MED13: variants seen among roughly 807,000 people sequenced by gnomAD.
MED13 encodes mediator of RNA polymerase II transcription subunit 13.
In MED13, 23 loss-of-function variants were observed where a neutral mutation model predicts 225.2. That is an observed-to-expected ratio of 0.10 (90% confidence interval 0.07 to 0.14). The LOEUF is 0.14. Ranked by LOEUF, MED13 falls within the 10% of genes least tolerant of loss-of-function variation. The pLI is 1.00. For synonymous variants in MED13, 942 were observed against 889.2 expected (o/e 1.06, Z -1.06); for missense variants, 2,197 against 2,594.5 (o/e 0.85, Z 3.33).
At chr17:62,010,260 A>G (rs1396141673) in intron 9 of MED13, among the ~76,000 whole-genome samples, 1 of 151,974 alleles carries the variant, frequency 6.6e-6, no homozygotes, top group African/African-American at 2.4e-5. Context: ...TGGAAGGAAG[A>G]CTGGAAGAAG....
At position 61,965,417 on chromosome 17, in the gene MED13, T is replaced by C. The variant is rs2080048497; in HGVS notation, c.4433A>G (p.Asn1478Ser). Residue 1478 changes from asparagine (N) to serine (S), a missense_variant, in exon 20 of 30, where the codon AAT (asparagine) becomes AGT (serine). Transcript: ENST00000397786. ...PLDSSLLSQP[N>S]LVAPTSQSLI... is the part of the protein sequence containing the mutation. ...AGACTGACTTGTAGGGGCAACTAAA[T>C]TTGGCTGGGAAAGTAGAGAGCTGTC... The C allele has an allele frequency of 6.2e-7, 1 of 1,613,986 alleles. No individual in the cohort carries two copies. Among genetic ancestry groups the C allele is most frequent in the African/African-American group, 1.3e-5 (1 of 74,922 alleles).
intron 28 of MED13, 134 bp from the exon 29 acceptor site, chr17:61,947,151 T>C: frequency 3.7e-6 from 2 of 534,328 alleles, no homozygotes; most frequent in Non-Finnish European, 6.6e-6. Flanking sequence ...TGAAAGCCAC[T>C]ATAAAAATGC....
At chr17:62,038,689 T>C (rs1404504034) in intron 3 of MED13, among the ~76,000 whole-genome samples, 1 of 152,194 alleles carries the variant, frequency 6.6e-6, no homozygotes, top group African/African-American at 2.4e-5. Flanking sequence ...TTTAATTTTA[T>C]GGTTTAGAGA....
intron 3 of MED13, among the ~76,000 whole-genome samples, chr17:62,045,921 A>T (rs916624588): frequency 2.0e-5 from 3 of 152,200 alleles, no homozygotes; most frequent in Non-Finnish European, 4.4e-5. Context: ...CCAGATTATC[A>T]GAAAATGAGA....
At chr17:62,006,936 A>G (rs774280024) in intron 9 of MED13, 1 of 149,818 alleles carries the variant, frequency 6.7e-6, no homozygotes, top group African/African-American at 2.5e-5. Flanking sequence ...CAAAAAAATA[A>G]AATTAAAATA....
At chr17:61,961,800 T>C in intron 21 of MED13, 21 bp from the exon 22 acceptor site, 1 of 1,598,480 alleles carries the variant, frequency 6.3e-7, no homozygotes, top group Non-Finnish European at 8.5e-7. Context: ...TAGGCAAATA[T>C]TACAAATGTT....
At chr17:62,000,413 TCAG>T (rs2080384205) in intron 9 of MED13, among the ~76,000 whole-genome samples, 1 of 152,354 alleles carries the variant, frequency 6.6e-6, no homozygotes, top group East Asian at 1.9e-4. Context: ...ATGGAATCTC[TCAG>T]CAGGCACCTC....
intron 12 of MED13, among the ~76,000 whole-genome samples, chr17:61,985,779 T>C (rs2080242465): frequency 6.6e-6 from 1 of 152,234 alleles, no homozygotes; most frequent in African/African-American, 2.4e-5. Flanking sequence ...CTCCTTAAGT[T>C]GAACACATTA....
At chr17:62,026,516 C>T (rs2080703730) in intron 8 of MED13, among the ~76,000 whole-genome samples, 1 of 151,324 alleles carries the variant, frequency 6.6e-6, no homozygotes, top group Middle Eastern at 3.4e-3. Context: ...GGAAGCACTC[C>T]CCTTGAAAAG....
chr17:62,002,707 G>C (rs2080407163), intron 9 of MED13, among the ~76,000 whole-genome samples: 1 of 151,494 alleles, frequency 6.6e-6, no homozygotes, highest in Non-Finnish European at 1.5e-5. Flanking sequence ...TTCACTATAA[G>C]AAAAAAAAGC....
In MED13 at chr17:61,984,215, C is replaced by T; in HGVS notation, c.2844G>A (p.Leu948=). ...IYRQSWTVGK[L]ELLSSGPSMP... ...TTGAAGGCCCTGAAGAAAGCAATTC[C>T]AATTTTCCAACAGTCCAACTCTGAC... The change falls in exon 15 of 30, where the codon TTG becomes TTA. Residue 948 remains leucine, a synonymous_variant. Coordinates refer to ENST00000397786, the MANE Select transcript of MED13 (RefSeq NM_005121.3). 2.5e-6 allele frequency: 4 copies of T among 1,601,604 alleles called. No homozygotes were observed. Among genetic ancestry groups the T allele is most frequent in the Non-Finnish European group, 8.5e-7 (1 of 1,175,404 alleles).
intron 3 of MED13, 42 bp from the exon 4 acceptor site, chr17:62,035,650 G>A: frequency 1.9e-6 from 3 of 1,551,776 alleles, no homozygotes; most frequent in East Asian, 2.3e-5. Context: ...ATGACTAGTG[G>A]CCAAAAATGT....
In MED13 at chr17:61,964,990, G is replaced by A. The variant is rs770723180; in HGVS notation, c.4844+16C>T. On this transcript the variant is annotated intron_variant, in intron 20 of 29. Coordinates refer to ENST00000397786, the MANE Select transcript of MED13 (RefSeq NM_005121.3). ...AGTTTTTATATTTCTGCAAAAATCA[G>A]TATTTTTAAAGGTACCTTTCAGACA... The A allele has an allele frequency of 1.3e-6, 2 of 1,591,484 alleles. No homozygotes were observed. The highest frequency in any genetic ancestry group is 2.7e-5 in the African/African-American group (2 of 73,802).
intron 6 of MED13, chr17:62,030,535 T>G (rs968404865): frequency 6.6e-6 from 1 of 152,348 alleles, no homozygotes; most frequent in African/African-American, 2.4e-5. Flanking sequence ...ACTCTGGCCC[T>G]TCTGTCCCTG....
chr17:62,044,534 C>A (rs566146222), intron 3 of MED13, among the ~76,000 whole-genome samples: 4 of 152,204 alleles, frequency 2.6e-5, no homozygotes, highest in African/African-American at 9.6e-5. Context: ...ACATATTGAA[C>A]CAAATATTTA....
chr17:61,997,671 T>C (rs1017691851), intron 9 of MED13, among the ~76,000 whole-genome samples: 2 of 152,132 alleles, frequency 1.3e-5, no homozygotes, highest in African/African-American at 4.8e-5. Context: ...AAGTCAGAAA[T>C]GAAAAGATTT....
At chr17:62,015,806 CTA>C (rs1345957196) in intron 8 of MED13, among the ~76,000 whole-genome samples, 2 of 122,536 alleles carry the variant, frequency 1.6e-5, no homozygotes, top group Non-Finnish European at 3.4e-5. Context: ...CTATATATAT[CTA>C]TATATATACA....
chr17:62,032,427 T>G (rs2080765606), intron 5 of MED13: 1 of 138,544 alleles, frequency 7.2e-6, no homozygotes, highest in South Asian at 2.2e-4. Context: ...TGAGCAGAGA[T>G]CACGCCATTG....
At chr17:62,064,656 C>T (rs1460489570) in intron 1 of MED13, among the ~76,000 whole-genome samples, 2 of 152,040 alleles carry the variant, frequency 1.3e-5, no homozygotes, top group Non-Finnish European at 2.9e-5. Flanking sequence ...GTTAGTTTGA[C>T]TCATACAAAA....
Sources: allele counts gnomAD v4.1 joint callset (sites outside exome capture counted in the v4.1 genomes callset), GRCh38; gene constraint gnomAD v4.1.1; transcripts MANE v1.5; gene names NCBI Gene and HGNC (gene_info 2026-07-23, HGNC 2026-07-21).